Variants in RICTOR observed in about 807,000 individuals in gnomAD.
RICTOR encodes RPTOR independent companion of MTOR complex 2, also known as rapamycin-insensitive companion of mTOR.
A neutral mutation model predicts 214.9 loss-of-function variants in RICTOR; 49 were observed. The ratio of observed to expected loss-of-function variants is 0.23; its 90% CI spans 0.18 to 0.29. The LOEUF (loss-of-function observed/expected upper bound fraction) is 0.29, where lower values mean the gene tolerates loss of function less well. Among genes scored for constraint, RICTOR ranks in the 10% least tolerant of loss-of-function variants. The pLI, the probability that RICTOR is intolerant of heterozygous loss-of-function variation, is 1.00. For missense variants in RICTOR, 1,625 were observed against 2,047.0 expected (o/e 0.79, Z 3.98); for synonymous variants, 717 against 711.3 (o/e 1.01, Z -0.13).
At chr5:39,057,402 T>C (rs1758274504) in intron 2 of RICTOR, among the ~76,000 whole-genome samples, 1 of 152,058 alleles carries the variant, frequency 6.6e-6, no homozygotes, top group South Asian at 2.1e-4. Context: ...AATCCATCAC[T>C]CCATAAACTA....
Position 38,975,530 on chromosome 5 carries a change from A to G in RICTOR, c.889+7T>C. ...TGGATGTTATAAAGCAATGTAGAGT[A>G]ACCTACCTGCCCATGATCGGAATGT... On this transcript the variant is annotated splice_region_variant and intron_variant, in intron 10 of 37. Coordinates refer to ENST00000357387, the MANE Select transcript of RICTOR (RefSeq NM_152756.5). The G allele has an allele frequency of 6.2e-7, 1 of 1,604,740 alleles. No homozygotes were observed. Among genetic ancestry groups the G allele is most frequent in the Non-Finnish European group, 8.5e-7 (1 of 1,171,484 alleles).
intron 36 of RICTOR, chr5:38,943,349 T>G (rs1416910152): frequency 6.1e-6 from 1 of 164,120 alleles, no homozygotes; most frequent in Non-Finnish European, 1.3e-5. Flanking sequence ...CTGGGCTATT[T>G]CTTTGGATAC....
intron 2 of RICTOR, among the ~76,000 whole-genome samples, chr5:39,073,625 G>C (rs975593996): frequency 6.6e-6 from 1 of 152,186 alleles, no homozygotes; most frequent in Non-Finnish European, 1.5e-5. Context: ...GGTGGGCAAA[G>C]GGGAAAGCAG....
intron 6 of RICTOR, among the ~76,000 whole-genome samples, chr5:38,993,019 AG>A (rs1752900222): frequency 6.6e-6 from 1 of 152,190 alleles, no homozygotes; most frequent in Admixed American, 6.5e-5. Flanking sequence ...AAGAGTAGGA[AG>A]GAAGTAACAA....
At chr5:38,947,609 G>A (rs1748348942) in intron 31 of RICTOR, among the ~76,000 whole-genome samples, 168 bp from the exon 32 acceptor site, 1 of 152,034 alleles carries the variant, frequency 6.6e-6, no homozygotes, top group South Asian at 2.1e-4. Context: ...AATATTAGCT[G>A]TTATAGACCG....
chr5:39,051,413 T>G (rs1413662214), intron 2 of RICTOR, among the ~76,000 whole-genome samples: 2 of 152,126 alleles, frequency 1.3e-5, no homozygotes, highest in African/African-American at 4.8e-5. Context: ...CTCAGAAAAC[T>G]TAACAGCACA....
At chr5:39,059,053 T>C (rs1758372705) in intron 2 of RICTOR, among the ~76,000 whole-genome samples, 1 of 152,128 alleles carries the variant, frequency 6.6e-6, no homozygotes, top group African/African-American at 2.4e-5. Context: ...CTTCAAACTT[T>C]ATCCACTCAT....
intron 7 of RICTOR, among the ~76,000 whole-genome samples, 170 bp downstream of exon 7, chr5:38,990,779 A>ATCATATATATGATATATC (rs1561503116): frequency 4.4e-5 from 4 of 90,134 alleles, no homozygotes; most frequent in African/African-American, 1.7e-4. Flanking sequence ...TATGATATAT[A>ATCATATATATGATATATC]TGAGATATAT....
intron 2 of RICTOR, among the ~76,000 whole-genome samples, chr5:39,033,858 TA>T (rs1756454836): frequency 6.6e-6 from 1 of 152,200 alleles, no homozygotes; most frequent in African/African-American, 2.4e-5. Context: ...CAAATAACTA[TA>T]TGTTTTTAAC....
intron 10 of RICTOR, 142 bp downstream of exon 10, chr5:38,975,395 C>T (rs1022094017): frequency 3.8e-5 from 24 of 624,640 alleles, no homozygotes; most frequent in Non-Finnish European, 5.6e-5. Context: ...TAATTTTGTA[C>T]GAGTTCCTTT....
chr5:39,002,140 G>T (rs1753672449), intron 5 of RICTOR, among the ~76,000 whole-genome samples: 1 of 139,882 alleles, frequency 7.1e-6, no homozygotes, highest in African/African-American at 2.7e-5. Flanking sequence ...ATAAATTGTG[G>T]TCTATTTATA....
intron 2 of RICTOR, among the ~76,000 whole-genome samples, chr5:39,049,597 G>T (rs532522338): frequency 1.1e-4 from 11 of 104,084 alleles, no homozygotes; most frequent in African/African-American, 3.7e-4. Flanking sequence ...TGGCTTAAGG[G>T]AAAAAAAGAA....
At chr5:39,046,293 G>A (rs1388040800) in intron 2 of RICTOR, among the ~76,000 whole-genome samples, 2 of 150,942 alleles carry the variant, frequency 1.3e-5, no homozygotes, top group African/African-American at 4.9e-5. Flanking sequence ...GAGCCCAGGT[G>A]ATTGAAGCTA....
intron 16 of RICTOR, among the ~76,000 whole-genome samples, chr5:38,963,643 C>T (rs1019609275): frequency 6.6e-6 from 1 of 151,842 alleles, no homozygotes; most frequent in African/African-American, 2.4e-5. Flanking sequence ...TTGGGATGTG[C>T]TGACTGGCAA....
chr5:38,954,660 CACT>C, intron 27 of RICTOR, 111 bp downstream of exon 27: 1 of 645,430 alleles, frequency 1.5e-6, no homozygotes, highest in Non-Finnish European at 2.8e-6. Flanking sequence ...GCAATTACAC[CACT>C]GATATTAAAG....
chr5:39,025,988 G>A (rs529554552), intron 2 of RICTOR, among the ~76,000 whole-genome samples: 1 of 152,238 alleles, frequency 6.6e-6, no homozygotes, highest in South Asian at 2.1e-4. Flanking sequence ...GGGATAGGGT[G>A]ACTAGATATA....
chr5:38,945,583 T>C lies in RICTOR; in HGVS notation c.4541A>G (p.Glu1514Gly). 1 of 1,614,072 alleles carries C rather than the reference T, an allele frequency of 6.2e-7. No homozygotes were observed. Among genetic ancestry groups the C allele is most frequent in the Non-Finnish European group, 8.5e-7 (1 of 1,179,928 alleles). The change falls in exon 34 of 38, where the codon GAA (glutamate) becomes GGA (glycine). Residue 1514 changes from glutamate to glycine, a missense_variant. Glu to Gly is a moderately conservative substitution (Grantham distance 98). Around this residue, in one of 5 missense-constraint regions of RICTOR, gnomAD observed 1,214 missense variants for 1,470.5 expected, o/e 0.83. Transcript: ENST00000357387. ...LESTEDTGLQ[E>G]HTDDNCLYCV... is the part of the protein sequence containing the mutation. ...ATAAAGGCAGTTATCATCTGTATGT[T>C]CCTGTAGTCCAGTGTCTTCTGTACT... is the stretch of plus-strand genomic sequence containing the variant.
intron 2 of RICTOR, among the ~76,000 whole-genome samples, chr5:39,045,577 C>G (rs1757431419): frequency 6.6e-6 from 1 of 152,062 alleles, no homozygotes; most frequent in South Asian, 2.1e-4. Flanking sequence ...TGAAACAATT[C>G]ACTATGTAAA....
chr5:39,069,903 AC>A (rs1325296257), intron 2 of RICTOR, among the ~76,000 whole-genome samples: 1 of 152,138 alleles, frequency 6.6e-6, no homozygotes, highest in Non-Finnish European at 1.5e-5. Context: ...TACCCACCAG[AC>A]AGTTAATCAT....
Sources: allele counts gnomAD v4.1 joint callset (sites outside exome capture counted in the v4.1 genomes callset), GRCh38; gene constraint gnomAD v4.1.1; regional missense constraint gnomAD v4.1.1; transcripts MANE v1.5; gene names NCBI Gene and HGNC (gene_info 2026-07-23, HGNC 2026-07-21).